Variants in ASCL5 observed in about 807,000 individuals in gnomAD.
ASCL5 encodes the protein achaete-scute homolog 5.
For missense variants in ASCL5, 262 were observed against 268.9 expected, an observed-to-expected ratio of 0.97 and a Z score of 0.18; for synonymous variants, 124 against 131.5, an observed-to-expected ratio of 0.94 and a Z score of 0.39.
chr1:201,117,720 G>T (rs756168946), intron 1 of ASCL5, among the ~76,000 whole-genome samples: 2 of 152,126 alleles, frequency 1.3e-5, no homozygotes, highest in Non-Finnish European at 2.9e-5. Flanking sequence ...CATCCTGACT[G>T]CCTGAGCGCT....
At position 201,114,490 on chromosome 1, in the gene ASCL5, C is replaced by T. The variant is rs1663287086; in HGVS notation, c.*262G>A. On this transcript the variant is annotated 3_prime_UTR_variant, in exon 2 of 2. Coordinates refer to ENST00000449188, the MANE Select transcript of ASCL5 (RefSeq NM_001270601.2). The stretch of plus-strand genomic sequence containing the variant: ...TCTGCACCCCGGAGGGGACGCAGGA[C>T]GCCCGGAGCAGTCCCAGGCCCTGCC... The T allele has an allele frequency of 3.1e-6, 1 of 319,706 alleles. No homozygotes were observed. The highest frequency in any genetic ancestry group is 5.7e-6 in the Non-Finnish European group (1 of 176,176). The allele number at this position is 319,706 out of a possible 1,614,324, so 19.8% of individuals were successfully genotyped here.
intron 1 of ASCL5, among the ~76,000 whole-genome samples, chr1:201,121,838 A>G (rs571349480): frequency 5.9e-5 from 9 of 152,040 alleles, no homozygotes; most frequent in African/African-American, 1.9e-4. Flanking sequence ...CAAAAAAAAA[A>G]ACCCCAAAAC....
intron 1 of ASCL5, among the ~76,000 whole-genome samples, chr1:201,123,708 C>T (rs1558095920): frequency 6.6e-6 from 1 of 152,206 alleles, no homozygotes; most frequent in Non-Finnish European, 1.5e-5. Context: ...CCATTCCCTA[C>T]ATTACTCCTA....
chr1:201,118,484 CAAG>C (rs1558094908), intron 1 of ASCL5, among the ~76,000 whole-genome samples: 10 of 108,108 alleles, frequency 9.3e-5, no homozygotes, highest in Admixed American at 2.0e-4. Context: ...GACCCTGTCT[CAAG>C]AAAAAAAAAA....
intron 1 of ASCL5, among the ~76,000 whole-genome samples, chr1:201,123,270 G>A (rs1572086297): frequency 6.6e-6 from 1 of 152,340 alleles, no homozygotes; most frequent in South Asian, 2.1e-4. Flanking sequence ...TCAACCGTGT[G>A]TTCTATCGCC....
chr1:201,120,417 G>T (rs1052676097), intron 1 of ASCL5, among the ~76,000 whole-genome samples: 1 of 152,020 alleles, frequency 6.6e-6, no homozygotes, highest in African/African-American at 2.4e-5. Context: ...GGTGCTCAAT[G>T]TTCACCAGGG....
At chr1:201,123,058 T>C (rs1276590998) in intron 1 of ASCL5, among the ~76,000 whole-genome samples, 3 of 152,184 alleles carry the variant, frequency 2.0e-5, no homozygotes, top group Non-Finnish European at 4.4e-5. Context: ...CTAGGACCCT[T>C]GGATGTGGCT....
At chr1:201,118,908 G>A (rs910299842) in intron 1 of ASCL5, among the ~76,000 whole-genome samples, 1 of 152,088 alleles carries the variant, frequency 6.6e-6, no homozygotes, top group African/African-American at 2.4e-5. Flanking sequence ...CTTTTTAAAG[G>A]CCCACTGTTA....
chr1:201,118,599 A>G (rs189093321), intron 1 of ASCL5, among the ~76,000 whole-genome samples: 1 of 152,340 alleles, frequency 6.6e-6, no homozygotes, highest in Non-Finnish European at 1.5e-5. Flanking sequence ...AAGCTGAGGA[A>G]CACAGTGTAG....
chr1:201,117,192 T>G (rs1170983914), intron 1 of ASCL5, among the ~76,000 whole-genome samples: 2 of 152,116 alleles, frequency 1.3e-5, no homozygotes, highest in Non-Finnish European at 2.9e-5. Flanking sequence ...TCCCAGCACT[T>G]TGGGAGGCTG....
intron 1 of ASCL5, among the ~76,000 whole-genome samples, chr1:201,124,116 C>G (rs1663533001): frequency 6.6e-6 from 1 of 152,174 alleles, no homozygotes; most frequent in Admixed American, 6.5e-5. Context: ...ATGTTAATTT[C>G]AAAGAAGACA....
intron 1 of ASCL5, among the ~76,000 whole-genome samples, chr1:201,123,130 A>G (rs1663514775): frequency 2.6e-5 from 4 of 152,200 alleles, no homozygotes; most frequent in Admixed American, 2.6e-4. Context: ...TACACCCAGT[A>G]GCTTCCCACA....
intron 1 of ASCL5, among the ~76,000 whole-genome samples, chr1:201,117,366 G>A (rs1178168148): frequency 6.6e-6 from 1 of 152,066 alleles, no homozygotes; most frequent in Admixed American, 6.5e-5. Flanking sequence ...AACCTGGGAG[G>A]TGGAGGGTGC....
At chr1:201,122,831 C>T (rs576185772) in intron 1 of ASCL5, among the ~76,000 whole-genome samples, 44 of 152,262 alleles carry the variant, frequency 2.9e-4, no homozygotes, top group African/African-American at 9.9e-4. Flanking sequence ...TGAATCCTGG[C>T]GCTGCTCTTA....
Position 201,114,953 on chromosome 1 carries a change from G to A in ASCL5, c.420C>T (p.Ser140=). ...GGGGCGTCGAGCCGTCGGGGGCCGA[G>A]CTCAGCAGCTCTTGCAGGTACTTTA... ...RYIKYLQELL[S]SAPDGSTPPA... The change falls in exon 2 of 2, where the codon AGC becomes AGT. Residue 140 remains serine (S), a synonymous_variant. Transcript: ENST00000449188. 3 of 1,231,442 alleles carry A rather than the reference G, an allele frequency of 2.4e-6. No homozygotes were observed. Among genetic ancestry groups the A allele is most frequent in the Non-Finnish European group, 3.0e-6 (3 of 987,822 alleles). The allele number at this position is 1,231,442 out of a possible 1,614,324, so 76.3% of individuals were successfully genotyped here.
In ASCL5 at chr1:201,115,037, G is replaced by T; in HGVS notation, c.336C>A (p.Gly112=). Residue 112 remains glycine, a synonymous_variant, in exon 2 of 2, where the codon GGC becomes GGA. Coordinates refer to ENST00000449188, the MANE Select transcript of ASCL5 (RefSeq NM_001270601.2). ...GYARLRGHLP[G]ALAEKRLSKV... ...TGCTGAGTCGCTTCTCAGCCAGGGC[G>T]CCGGGGAGGTGGCCGCGGAGGCGAG... 8.1e-7 allele frequency: 1 copy of T among 1,232,066 alleles called. No individual in the cohort carries two copies. 76.3% of individuals were successfully genotyped at this position (1,232,066 alleles called of 1,614,324 possible). A position where few individuals can be genotyped will look rare whatever the true frequency, so the allele number is the denominator to read the frequency against.
At chr1:201,122,608 T>C (rs1663505335) in intron 1 of ASCL5, among the ~76,000 whole-genome samples, 1 of 152,138 alleles carries the variant, frequency 6.6e-6, no homozygotes, top group South Asian at 2.1e-4. Context: ...ATATGAGGAC[T>C]TTCTTGGCCG....
chr1:201,120,626 C>T (rs553949550), intron 1 of ASCL5, among the ~76,000 whole-genome samples: 2 of 152,296 alleles, frequency 1.3e-5, no homozygotes, highest in East Asian at 3.9e-4. Context: ...GGTGGGAAGC[C>T]CTGGGGAGGC....
chr1:201,123,139 C>T (rs1465503564), intron 1 of ASCL5, among the ~76,000 whole-genome samples: 1 of 152,210 alleles, frequency 6.6e-6, no homozygotes, highest in Non-Finnish European at 1.5e-5. Flanking sequence ...TAGCTTCCCA[C>T]AGTCACATCT....
Sources: allele counts gnomAD v4.1 joint callset (sites outside exome capture counted in the v4.1 genomes callset), GRCh38; gene constraint gnomAD v4.1.1; transcripts MANE v1.5; gene names NCBI Gene and HGNC (gene_info 2026-07-23, HGNC 2026-07-21).